Variants in ATP13A4 observed in about 807,000 individuals in gnomAD.
ATP13A4 encodes the protein ATPase 13A4, also known as probable cation-transporting ATPase 13A4.
ATP13A4 carries 114 observed loss-of-function variants against 142.5 expected under a neutral mutation model. The ratio of observed to expected loss-of-function variants is 0.80; its 90% CI spans 0.69 to 0.93. The LOEUF is 0.93. Among genes scored for constraint, ATP13A4 ranks in the 40% least tolerant of loss-of-function variants. The pLI, the probability that ATP13A4 is intolerant of heterozygous loss-of-function variation, is 0.00. For missense variants in ATP13A4, 1,392 were observed against 1,454.0 expected, an observed-to-expected ratio of 0.96 and a Z score of 0.69; for synonymous variants, 488 against 514.8, an observed-to-expected ratio of 0.95 and a Z score of 0.70.
intron 3 of ATP13A4, among the ~76,000 whole-genome samples, chr3:193,496,452 C>T (rs1346819703): frequency 6.6e-6 from 1 of 152,084 alleles, no homozygotes; most frequent in Non-Finnish European, 1.5e-5. Flanking sequence ...AACAAAGGCG[C>T]CAAGAACACA....
intron 17 of ATP13A4, among the ~76,000 whole-genome samples, chr3:193,453,008 G>A (rs918441356): frequency 2.0e-5 from 3 of 151,770 alleles, no homozygotes; most frequent in East Asian, 1.9e-4. Flanking sequence ...CCTTACTGGC[G>A]GCAAGACTGA....
intron 1 of ATP13A4, among the ~76,000 whole-genome samples, chr3:193,546,042 G>T (rs1412349639): frequency 6.7e-6 from 1 of 148,928 alleles, no homozygotes; most frequent in Non-Finnish European, 1.5e-5. Context: ...AGGACCCCAA[G>T]AAATCATCTG....
rs187441867 is a variant in ATP13A4 at position 193,465,377 on chromosome 3, G to A, written c.1273-249C>T. Among the ~76,000 whole-genome samples the A allele has an allele frequency of 2.3e-3, 357 of 152,164 alleles. 1 individual carries two copies. Among genetic ancestry groups the A allele is most frequent in the African/African-American group, 8.3e-3 (345 of 41,504 alleles). On this transcript the variant is annotated intron_variant, in intron 11 of 29. Coordinates refer to ENST00000342695, the MANE Select transcript of ATP13A4 (RefSeq NM_032279.4). Reference sequence around the variant, plus strand: ...TAATTTTTGTATTTTTAGTAGAGACGGGGTTTTGCCATGTTGGCCAGGCTG... The same window carrying A: ...TAATTTTTGTATTTTTAGTAGAGACAGGGTTTTGCCATGTTGGCCAGGCTG...
intron 18 of ATP13A4, among the ~76,000 whole-genome samples, chr3:193,444,681 A>T (rs1371899748): frequency 6.6e-6 from 1 of 152,254 alleles, no homozygotes; most frequent in Non-Finnish European, 1.5e-5. Context: ...AGCAAGAGAC[A>T]TTCCTGGTTA....
At chr3:193,525,430 T>C (rs2108695319) in intron 1 of ATP13A4, among the ~76,000 whole-genome samples, 1 of 152,354 alleles carries the variant, frequency 6.6e-6, no homozygotes, top group South Asian at 2.1e-4. Flanking sequence ...CCCAGTATTA[T>C]TATTTCCCTT....
At chr3:193,558,834 C>T (rs1723956532), upstream of ATP13A4, among the ~76,000 whole-genome samples, 1 of 152,144 alleles carries the variant, frequency 6.6e-6, no homozygotes. Flanking sequence ...CTGATTCTCT[C>T]CCTGAACTCA....
chr3:193,563,855 C>T (rs560699817), intron 2 of ATP13A4, among the ~76,000 whole-genome samples: 16 of 152,274 alleles, frequency 1.1e-4, no homozygotes, highest in Admixed American at 6.5e-5. Flanking sequence ...TTACAACCAA[C>T]CTCTGGCAAC....
intron 3 of ATP13A4, among the ~76,000 whole-genome samples, chr3:193,500,897 T>A (rs1209549657): frequency 6.6e-6 from 1 of 152,192 alleles, no homozygotes; most frequent in African/African-American, 2.4e-5. Context: ...TTAATATCCA[T>A]CGTCTCATTG....
At chr3:193,590,094 T>TCACTGAGA (rs975872592) in intron 1 of ATP13A4, among the ~76,000 whole-genome samples, 1 of 152,136 alleles carries the variant, frequency 6.6e-6, no homozygotes, top group African/African-American at 2.4e-5. Flanking sequence ...CAAAATCATT[T>TCACTGAGA]CACTGAGACC....
chr3:193,551,813 A>G (rs75036428), intron 1 of ATP13A4, among the ~76,000 whole-genome samples: 2 of 152,074 alleles, frequency 1.3e-5, no homozygotes, highest in Non-Finnish European at 2.9e-5. Context: ...CCTTCGCTGA[A>G]GGCCACTTTC....
At position 193,538,511 on chromosome 3, in the gene ATP13A4, A is replaced by C. The variant is rs564336535; in HGVS notation, c.60+16229T>G. Among the ~76,000 whole-genome samples, 6 of 151,854 alleles carry C rather than the reference A, an allele frequency of 4.0e-5. No homozygotes were observed. In the East Asian group the frequency reaches 5.8e-4, roughly 15 times the overall value. On this transcript the variant is annotated intron_variant, in intron 1 of 29. Transcript: ENST00000342695. The stretch of plus-strand genomic sequence containing the variant: ...AGAATCCACATTAAAAAAAAAAAAA[A>C]AAACCCTAGGCTTTAAACAGGGCCA...
chr3:193,519,626 ATTTTTTTTTTTT>A lies in ATP13A4; in HGVS notation c.61-4767_61-4756del, dbSNP rs147173408. On this transcript the variant is annotated intron_variant, in intron 1 of 29. Transcript: ENST00000342695. ...GAATTTTCACAATTTGCAATTTGTA[ATTTTTTTTTTTT>A]TTTTTTTTTTTTTTTTTTTAGACAG... 3.5e-3 allele frequency among the ~76,000 whole-genome samples: 244 copies of A among 69,050 alleles called. 2 individuals carry two copies. The highest frequency in any genetic ancestry group is 4.4e-3 in the Non-Finnish European group (177 of 39,898). The allele number at this position is 69,050 out of a possible 152,430, so 45.3% of individuals were successfully genotyped here.
At chr3:193,530,481 G>T (rs554098853) in intron 1 of ATP13A4, among the ~76,000 whole-genome samples, 3 of 152,032 alleles carry the variant, frequency 2.0e-5, no homozygotes, top group Admixed American at 1.3e-4. Flanking sequence ...TTCTCCCCAC[G>T]TTCCCTGAAC....
chr3:193,438,405 A>G, intron 23 of ATP13A4, 70 bp downstream of exon 23: 1 of 1,305,940 alleles, frequency 7.7e-7, no homozygotes, highest in Non-Finnish European at 1.1e-6. Flanking sequence ...AGTCTTTCCC[A>G]GGCAGAACAA....
At chr3:193,465,995 G>A in intron 11 of ATP13A4, 30 bp downstream of exon 11, 1 of 1,609,966 alleles carries the variant, frequency 6.2e-7, no homozygotes, top group Non-Finnish European at 8.5e-7. Context: ...GAGTGTGTGT[G>A]CATTTAATAA....
intron 1 of ATP13A4, 78 bp from the exon 2 acceptor site, chr3:193,514,949 T>C: frequency 6.6e-7 from 1 of 1,507,868 alleles, no homozygotes; most frequent in Non-Finnish European, 9.1e-7. Context: ...ATTTTAGTGA[T>C]GGAAATGGGG....
intron 3 of ATP13A4, 126 bp downstream of exon 3, chr3:193,502,367 G>C: frequency 8.3e-7 from 1 of 1,199,492 alleles, no homozygotes; most frequent in East Asian, 2.3e-5. Flanking sequence ...TGGCTCCAAA[G>C]TTCACATTTT....
chr3:193,544,905 T>C (rs1275522156), intron 1 of ATP13A4, among the ~76,000 whole-genome samples: 1 of 152,206 alleles, frequency 6.6e-6, no homozygotes, highest in African/African-American at 2.4e-5. Flanking sequence ...TTTTTTTTGC[T>C]TCTTAGATGC....
intron 1 of ATP13A4, among the ~76,000 whole-genome samples, chr3:193,586,090 TACACAC>T (rs60074904): frequency 0.22 from 32,729 of 150,838 alleles, 3,627 homozygotes; most frequent in East Asian, 0.34. Flanking sequence ...TATACACACA[TACACAC>T]ACACACACAC....
Sources: gnomAD v4.1 joint callset for allele counts (sites outside exome capture counted in the v4.1 genomes callset) on GRCh38, gnomAD v4.1.1 for gene constraint, MANE v1.5 for transcripts, NCBI Gene and HGNC (gene_info 2026-07-23, HGNC 2026-07-21) for gene names.